The following RPS10 variants were observed in gnomAD, a reference collection of about 807,000 sequenced individuals.
RPS10 encodes the protein small ribosomal subunit protein eS10.
Under a neutral mutation model 22.6 loss-of-function variants are expected in RPS10, and 2 were observed. That is an observed-to-expected ratio of 0.09 (90% CI 0.04 to 0.28). The LOEUF (loss-of-function observed/expected upper bound fraction) is 0.28, where lower values mean the gene tolerates loss of function less well. Among genes scored for constraint, RPS10 ranks in the 10% least tolerant of loss-of-function variants. The pLI is 1.00. For missense variants in RPS10, 137 were observed against 222.2 expected (o/e 0.62, Z 2.44); for synonymous variants, 70 against 75.9 (o/e 0.92, Z 0.40).
intron 1 of RPS10, 138 bp from the exon 2 acceptor site, chr6:34,425,359 AT>A: frequency 1.7e-6 from 2 of 1,151,526 alleles, no homozygotes. Flanking sequence ...CACAAAACAG[AT>A]TCGGCAGAGG....
intron 4 of RPS10, among the ~76,000 whole-genome samples, chr6:34,418,833 T>TC (rs1765662365): frequency 6.6e-6 from 1 of 152,112 alleles, no homozygotes; most frequent in Non-Finnish European, 1.5e-5. Context: ...CGGTCCTATA[T>TC]CCCAGTCACA....
At chr6:34,421,831 G>A (rs771489099) in intron 3 of RPS10, 24 bp from the exon 4 acceptor site, 13 of 1,613,570 alleles carry the variant, frequency 8.1e-6, no homozygotes, top group Middle Eastern at 3.3e-4. Context: ...ACCACACTGT[G>A]AACACAGGGC....
chr6:34,425,450 C>T, intron 1 of RPS10: 1 of 538,366 alleles, frequency 1.9e-6, no homozygotes, highest in Non-Finnish European at 3.4e-6. Flanking sequence ...TAGTGGTGCA[C>T]ATTCGCGCCA....
chr6:34,425,372 C>T (rs1765920322), intron 1 of RPS10, 151 bp from the exon 2 acceptor site: 9 of 924,012 alleles, frequency 9.7e-6, no homozygotes, highest in Non-Finnish European at 1.5e-5. Context: ...CGGCAGAGGC[C>T]AGCTCCGTCA....
intron 4 of RPS10, among the ~76,000 whole-genome samples, chr6:34,420,780 G>A (rs1765734183): frequency 6.6e-6 from 1 of 151,976 alleles, no homozygotes; most frequent in African/African-American, 2.4e-5. Context: ...GCTGAGGCGG[G>A]CGGATCATGA....
intron 3 of RPS10, chr6:34,424,160 A>AAAAAAAAAAAAAAAAC (rs1561939859): frequency 6.6e-6 from 1 of 150,924 alleles, no homozygotes; most frequent in Non-Finnish European, 1.5e-5. Context: ...AAAAAAAAAA[A>AAAAAAAAAAAAAAAAC]AAAAGCAACT....
chr6:34,417,953 AACT>A, intron 5 of RPS10: 1 of 720,052 alleles, frequency 1.4e-6, no homozygotes, highest in Non-Finnish European at 2.6e-6. Context: ...CTAATCTCAC[AACT>A]ACCTTAGTAG....
intron 1 of RPS10, chr6:34,425,598 G>C: frequency 3.2e-6 from 1 of 313,532 alleles, no homozygotes; most frequent in South Asian, 2.7e-5. Flanking sequence ...GGTACGCAGG[G>C]AAGGCCCGGA....
chr6:34,417,541 C>T lies in RPS10; in HGVS notation c.463G>A (p.Gly155Arg), dbSNP rs1256679411. ...GSATEFQFRG[G>R]FGRGRGQPPQ ...GGCTGACCACGTCCACGACCAAATC[C>T]GCCTCTCTGTAAGAGAAAGCACATC... is the stretch of plus-strand genomic sequence containing the variant. The change falls in exon 6 of 6, where the codon GGA (glycine) becomes AGA (arginine). Residue 155 changes from glycine to arginine, a missense_variant. Physicochemically the swap from Gly to Arg is moderately radical, Grantham distance 125 (BLOSUM62 -2). Coordinates refer to ENST00000648437, the MANE Select transcript of RPS10 (RefSeq NM_001014.5). The T allele has an allele frequency of 5.6e-6, 9 of 1,613,240 alleles. No homozygotes were observed. Among genetic ancestry groups the T allele is most frequent in the South Asian group, 1.1e-5 (1 of 91,046 alleles).
intron 5 of RPS10, 186 bp from the exon 6 acceptor site, chr6:34,417,733 T>C (rs1765626918): frequency 1.4e-6 from 1 of 726,212 alleles, no homozygotes; most frequent in Admixed American, 2.0e-5. Flanking sequence ...ATCTAACATC[T>C]AGGCCCATTT....
intron 5 of RPS10, chr6:34,418,089 C>T (rs1765638079): frequency 8.2e-7 from 1 of 1,225,334 alleles, no homozygotes; most frequent in Non-Finnish European, 1.1e-6. Flanking sequence ...TTAAGCCCAC[C>T]CACCTTCCAG....
Position 34,425,161 on chromosome 6 carries a change from T to G in RPS10, c.61A>C (p.Met21Leu), listed in dbSNP as rs1452621781. Reference protein sequence around the residue: ...IYELLFKEGVMVAKKDVHMPK... With the variant: ...IYELLFKEGVLVAKKDVHMPK... ...ATGTGGACATCCTTCTTGGCCACCA[T>G]GACTCCCTCCTTAAAAAGGAGTTCA... The change falls in exon 2 of 6, where the codon ATG (methionine) becomes CTG (leucine). Residue 21 changes from methionine to leucine, a missense_variant. Physicochemically the swap from Met to Leu is conservative, Grantham distance 15 (BLOSUM62 2). Coordinates refer to ENST00000648437, the MANE Select transcript of RPS10 (RefSeq NM_001014.5). 3 of 1,613,846 alleles carry G rather than the reference T, an allele frequency of 1.9e-6. No homozygotes were observed. Among genetic ancestry groups the G allele is most frequent in the Non-Finnish European group, 2.5e-6 (3 of 1,179,968 alleles).
chr6:34,421,938 A>G, intron 3 of RPS10, 131 bp from the exon 4 acceptor site: 1 of 862,046 alleles, frequency 1.2e-6, no homozygotes, highest in Non-Finnish European at 2.0e-6. Flanking sequence ...TAATGGGGAC[A>G]GGAACTCCTT....
chr6:34,421,603 T>C (rs766680336), intron 4 of RPS10, 127 bp downstream of exon 4: 15 of 1,045,980 alleles, frequency 1.4e-5, no homozygotes, highest in Middle Eastern at 3.0e-4. Context: ...CTCTGCAGAG[T>C]GAAACCAAGA....
At chr6:34,419,021 AT>A (rs1200723872) in intron 4 of RPS10, among the ~76,000 whole-genome samples, 1 of 151,776 alleles carries the variant, frequency 6.6e-6, no homozygotes, top group African/African-American at 2.4e-5. Flanking sequence ...TAATTTTTAT[AT>A]TTTTTGTTCG....
chr6:34,423,796 T>C (rs146537200), intron 3 of RPS10, among the ~76,000 whole-genome samples: 12 of 152,114 alleles, frequency 7.9e-5, no homozygotes, highest in South Asian at 2.1e-4. Flanking sequence ...ACAGAATTGA[T>C]TGAACCTCAG....
intron 4 of RPS10, 82 bp downstream of exon 4, chr6:34,421,648 G>A (rs1410276324): frequency 1.3e-6 from 2 of 1,518,486 alleles, no homozygotes; most frequent in African/African-American, 1.4e-5. Flanking sequence ...ATCAAGGGCT[G>A]AGCCCCACCC....
chr6:34,421,097 GTTTTTT>G lies in RPS10; in HGVS notation c.400+627_400+632del, dbSNP rs554380258. ...AAAAGCTCCACATTTTACCGAAGAG[GTTTTTT>G]TTTTTTTTTGAGACAGTCTTGCTCT... On this transcript the variant is annotated intron_variant, in intron 4 of 5. Coordinates refer to ENST00000648437, the MANE Select transcript of RPS10 (RefSeq NM_001014.5). Among the ~76,000 whole-genome samples, 14 of 132,044 alleles carry G rather than the reference GTTTTTT, an allele frequency of 1.1e-4. No homozygotes were observed. The East Asian group carries it at 1.9e-3, about 18-fold the overall frequency. 86.6% of individuals were successfully genotyped at this position (132,044 alleles called of 152,430 possible). A position where few individuals can be genotyped will look rare whatever the true frequency, so the allele number is the denominator to read the frequency against.
intron 3 of RPS10, 64 bp from the exon 4 acceptor site, chr6:34,421,871 G>T: frequency 6.3e-7 from 1 of 1,587,650 alleles, no homozygotes; most frequent in East Asian, 2.2e-5. Flanking sequence ...TTAAAGCCAA[G>T]AAAACTGGCA....
Sources: gnomAD v4.1 joint callset for allele counts (sites outside exome capture counted in the v4.1 genomes callset) on GRCh38, gnomAD v4.1.1 for gene constraint, MANE v1.5 for transcripts, NCBI Gene and HGNC (gene_info 2026-07-23, HGNC 2026-07-21) for gene names.